The following ALDH5A1 variants were observed in gnomAD, a reference collection of about 807,000 sequenced individuals.
ALDH5A1 encodes the protein succinate-semialdehyde dehydrogenase, mitochondrial.
A neutral mutation model predicts 54.7 loss-of-function variants in ALDH5A1; 33 were observed. The observed-to-expected ratio is 0.60, with a 90% CI of 0.46 to 0.81. ALDH5A1 has a LOEUF of 0.81. ALDH5A1 is among the 30% of genes least tolerant of loss of function. The pLI, the probability that ALDH5A1 is intolerant of heterozygous loss-of-function variation, is 0.00. For synonymous variants in ALDH5A1, 294 were observed against 292.7 expected, an observed-to-expected ratio of 1.00 and a Z score of -0.05; for missense variants, 657 against 711.0, an observed-to-expected ratio of 0.92 and a Z score of 0.86.
intron 2 of ALDH5A1, 26 bp downstream of exon 2, chr6:24,502,632 C>T: frequency 1.3e-6 from 2 of 1,579,118 alleles, no homozygotes; most frequent in Middle Eastern, 1.7e-4. Flanking sequence ...TGGCTTGGTG[C>T]ACTGAGAAAT....
At chr6:24,526,403 A>G (rs1759798197) in intron 7 of ALDH5A1, among the ~76,000 whole-genome samples, 1 of 152,210 alleles carries the variant, frequency 6.6e-6, no homozygotes, top group African/African-American at 2.4e-5. Flanking sequence ...TTGGGAAGAT[A>G]GTACATCTGT....
chr6:24,531,732 C>T (rs1046567193), intron 8 of ALDH5A1, among the ~76,000 whole-genome samples: 1 of 152,148 alleles, frequency 6.6e-6, no homozygotes, highest in African/African-American at 2.4e-5. Context: ...CCCTTCTGAA[C>T]GTTTTCTTTC....
At chr6:24,515,689 TC>T (rs1759557530) in intron 5 of ALDH5A1, among the ~76,000 whole-genome samples, 1 of 152,154 alleles carries the variant, frequency 6.6e-6, no homozygotes, top group South Asian at 2.1e-4. Flanking sequence ...GCCACTGCAC[TC>T]CAGACTGGGT....
At position 24,495,246 on chromosome 6, in the gene ALDH5A1, G is replaced by A. The variant is rs1034294766; in HGVS notation, c.250G>A (p.Gly84Ser). ...ATFPVQDPAS[G>S]AALGMVADCG... is the part of the protein sequence containing the mutation. Reference sequence around the variant, plus strand: ...CTTCCCCGTGCAAGACCCGGCCAGCGGCGCCGCTCTGGGCATGGTAGCCGA... The same window carrying A: ...CTTCCCCGTGCAAGACCCGGCCAGCAGCGCCGCTCTGGGCATGGTAGCCGA... Residue 84 changes from glycine to serine, a missense_variant, in exon 1 of 10, where the codon GGC (glycine) becomes AGC (serine). Physicochemically the swap from Gly to Ser is moderately conservative, Grantham distance 56 (BLOSUM62 0). This residue lies in a region of ALDH5A1 where 232 missense variants were observed against 194.6 expected (regional missense o/e 1.19). Coordinates refer to ENST00000357578, the MANE Select transcript of ALDH5A1 (RefSeq NM_001080.3). 3 of 1,524,542 alleles carry A rather than the reference G, an allele frequency of 2.0e-6. No homozygotes were observed. The highest frequency in any genetic ancestry group is 1.7e-6 in the Non-Finnish European group (2 of 1,142,884). The allele number at this position is 1,524,542 out of a possible 1,614,324, so 94.4% of individuals were successfully genotyped here. A position where few individuals can be genotyped will look rare whatever the true frequency, so the allele number is the denominator to read the frequency against.
chr6:24,521,341 AGATCAGAC>A (rs1335167025), intron 6 of ALDH5A1, among the ~76,000 whole-genome samples: 1 of 152,256 alleles, frequency 6.6e-6, no homozygotes, highest in Non-Finnish European at 1.5e-5. Context: ...AGTGACTTAG[AGATCAGAC>A]GTCTTTGGGC....
intron 8 of ALDH5A1, among the ~76,000 whole-genome samples, chr6:24,530,685 C>A (rs936061167): frequency 1.3e-5 from 2 of 152,238 alleles, no homozygotes; most frequent in African/African-American, 4.8e-5. Flanking sequence ...TTTTGCAGTT[C>A]CCTCTATTGG....
intron 8 of ALDH5A1, among the ~76,000 whole-genome samples, chr6:24,531,498 A>C (rs1011250787): frequency 9.2e-5 from 14 of 152,350 alleles, no homozygotes; most frequent in African/African-American, 3.4e-4. Flanking sequence ...AACTGCTGGT[A>C]GATCTCTGAA....
At chr6:24,502,257 C>T in intron 1 of ALDH5A1, among the ~76,000 whole-genome samples, 1 of 152,110 alleles carries the variant, frequency 6.6e-6, no homozygotes, top group East Asian at 1.9e-4. Context: ...TTGGATGATA[C>T]CCACCTGAAT....
At chr6:24,504,014 C>T (rs777796005) in intron 3 of ALDH5A1, among the ~76,000 whole-genome samples, 24 of 152,188 alleles carry the variant, frequency 1.6e-4, no homozygotes, top group Non-Finnish European at 2.5e-4. Flanking sequence ...ATTAACCTCT[C>T]TCCTGTATCT....
At chr6:24,522,600 C>A in intron 6 of ALDH5A1, 167 bp from the exon 7 acceptor site, 3 of 704,470 alleles carry the variant, frequency 4.3e-6, no homozygotes, top group East Asian at 2.8e-5. Flanking sequence ...TGACTCAGTG[C>A]TTTTATCTTT....
chr6:24,518,595 G>A lies in ALDH5A1; in HGVS notation c.871-1806G>A, dbSNP rs1759616882. On this transcript the variant is annotated intron_variant, in intron 5 of 9. Coordinates refer to ENST00000357578, the MANE Select transcript of ALDH5A1 (RefSeq NM_001080.3). This position sits in a 1 kb window ranked among gnomAD's most constrained non-coding sequence, Gnocchi z 4.2. ...TAAAAACATAAAAAAAGTTTAAATA[G>A]TTATGTTGCGTCCGATAAAGAAATA... is the stretch of plus-strand genomic sequence containing the variant. 6.6e-6 allele frequency among the ~76,000 whole-genome samples: 1 copy of A among 152,198 alleles called. No homozygotes were observed. Among genetic ancestry groups the A allele is most frequent in the Admixed American group, 6.5e-5 (1 of 15,290 alleles).
intron 8 of ALDH5A1, among the ~76,000 whole-genome samples, chr6:24,531,823 T>A (rs1275834371): frequency 6.6e-6 from 1 of 152,212 alleles, no homozygotes; most frequent in Admixed American, 6.5e-5. Flanking sequence ...TAATCCTTTT[T>A]TTTTAAAGGG....
intron 5 of ALDH5A1, among the ~76,000 whole-genome samples, chr6:24,516,367 C>T (rs184132355): frequency 1.4e-4 from 18 of 132,894 alleles, no homozygotes; most frequent in South Asian, 2.4e-4. Context: ...ACCCAGGAGG[C>T]GGAGCTTGCA....
rs966878389 is a variant in ALDH5A1 at position 24,502,409 on chromosome 6, C to A, written c.355-114C>A. Reference sequence around the variant, plus strand: ...AATTTACACATAAAATTAACCATTACAACCAAGGAGAATGAGACCATACAG... The same window carrying A: ...AATTTACACATAAAATTAACCATTAAAACCAAGGAGAATGAGACCATACAG... On this transcript the variant is annotated intron_variant, in intron 1 of 9. Transcript: ENST00000357578. The A allele has an allele frequency of 2.7e-5, 23 of 858,048 alleles. No individual in the cohort carries two copies. In the Admixed American group the frequency reaches 4.2e-4, roughly 16 times the overall value. 53.2% of individuals were successfully genotyped at this position (858,048 alleles called of 1,614,324 possible).
At chr6:24,526,258 G>A (rs966683540) in intron 7 of ALDH5A1, among the ~76,000 whole-genome samples, 3 of 152,068 alleles carry the variant, frequency 2.0e-5, no homozygotes, top group African/African-American at 7.2e-5. Flanking sequence ...AACAACCAAG[G>A]ATCATGATGG....
In ALDH5A1 at chr6:24,509,953, G is replaced by A. The variant is rs1039298483; in HGVS notation, c.726+4968G>A. On this transcript the variant is annotated intron_variant, in intron 4 of 9. Transcript: ENST00000357578. The surrounding 1 kb of genome is among the most constrained non-coding windows in gnomAD (Gnocchi z 4.7). ...TGTAAGCATTTAGGGCCATGAACTT[G>A]GCTCTTGGCACCACCTTTGCTGTAT... Among the ~76,000 whole-genome samples, 3 of 151,904 alleles carry A rather than the reference G, an allele frequency of 2.0e-5. No individual in the cohort carries two copies. Among genetic ancestry groups the A allele is most frequent in the African/African-American group, 7.3e-5 (3 of 41,368 alleles).
In ALDH5A1 at chr6:24,520,501, C is replaced by T. The variant is rs1759659944; in HGVS notation, c.971C>T (p.Ala324Val). ...TTTGACAGTGCCAACGTGGACCAGG[C>T]TGTAGCAGGGGCCATGGCATCTAAA... ...IVFDSANVDQ[A>V]VAGAMASKFR... The change falls in exon 6 of 10, where the codon GCT (alanine) becomes GTT (valine). Residue 324 changes from alanine (A) to valine (V), a missense_variant. Physicochemically the swap from Ala to Val is moderately conservative, Grantham distance 64 (BLOSUM62 0). Coordinates refer to ENST00000357578, the MANE Select transcript of ALDH5A1 (RefSeq NM_001080.3). The T allele has an allele frequency of 6.2e-7, 1 of 1,614,162 alleles. No individual in the cohort carries two copies.
chr6:24,516,729 C>T (rs1373133512), intron 5 of ALDH5A1, among the ~76,000 whole-genome samples: 1 of 151,682 alleles, frequency 6.6e-6, no homozygotes, highest in East Asian at 1.9e-4. Context: ...CACTTGAGCC[C>T]AACCTAGACA....
chr6:24,515,458 C>T (rs1759552388), intron 5 of ALDH5A1, 148 bp downstream of exon 5: 2 of 959,058 alleles, frequency 2.1e-6, no homozygotes, highest in Non-Finnish European at 3.1e-6. Flanking sequence ...AGCACGGCGG[C>T]TCATGCCTGT....
Sources: allele counts gnomAD v4.1 joint callset (sites outside exome capture counted in the v4.1 genomes callset), GRCh38; gene constraint gnomAD v4.1.1; regional missense constraint gnomAD v4.1.1; non-coding constraint Gnocchi (gnomAD v3.1); transcripts MANE v1.5; gene names NCBI Gene and HGNC (gene_info 2026-07-23, HGNC 2026-07-21).